FHIT: variants seen among roughly 807,000 people sequenced by gnomAD.
FHIT encodes bis(5'-adenosyl)-triphosphatase.
A neutral mutation model predicts 17.9 loss-of-function variants in FHIT; 19 were observed. The ratio of observed to expected loss-of-function variants is 1.06; its 90% CI spans 0.74 to 1.56. The LOEUF is 1.56. Among genes scored for constraint, FHIT ranks in the 40% most tolerant of loss-of-function variants. The probability of loss-of-function intolerance (pLI) is 0.00; values close to 1 mark genes in which losing one functional copy is unlikely to be tolerated. For missense variants in FHIT, 248 were observed against 189.2 expected (o/e 1.31, Z -1.82); for synonymous variants, 81 against 69.7 (o/e 1.16, Z -0.81).
chr3:60,662,704 T>G (rs1243123675), intron 4 of FHIT, among the ~76,000 whole-genome samples: 6 of 152,192 alleles, frequency 3.9e-5, no homozygotes, highest in African/African-American at 7.2e-5. Flanking sequence ...TCCATTTGTT[T>G]GCGTCATCTA....
chr3:61,228,397 T>C (rs1304770589), intron 1 of FHIT, among the ~76,000 whole-genome samples: 1 of 152,208 alleles, frequency 6.6e-6, no homozygotes, highest in Non-Finnish European at 1.5e-5. Context: ...TCCACCCAGT[T>C]AAATATCCTG....
At chr3:60,449,834 C>G (rs2031601602) in intron 5 of FHIT, among the ~76,000 whole-genome samples, 1 of 151,794 alleles carries the variant, frequency 6.6e-6, no homozygotes, top group African/African-American at 2.4e-5. Flanking sequence ...GAAACCCCAT[C>G]TCTACTAAAA....
At chr3:60,830,357 G>C (rs571969794) in intron 3 of FHIT, among the ~76,000 whole-genome samples, 1 of 152,242 alleles carries the variant, frequency 6.6e-6, no homozygotes, top group African/African-American at 2.4e-5. Flanking sequence ...GAAAAGTTTA[G>C]CATGATTTTC....
intron 5 of FHIT, among the ~76,000 whole-genome samples, chr3:60,230,527 T>C (rs1290466832): frequency 2.0e-5 from 3 of 152,176 alleles, no homozygotes; most frequent in Non-Finnish European, 4.4e-5. Flanking sequence ...GCAGATAGCA[T>C]AGGCAAACAG....
chr3:59,795,321 C>T (rs1181868823), intron 8 of FHIT, among the ~76,000 whole-genome samples: 1 of 150,948 alleles, frequency 6.6e-6, no homozygotes, highest in Non-Finnish European at 1.5e-5. Context: ...GAGGCAGAGG[C>T]TGCAGTGAGC....
chr3:60,955,635 C>CATATATATATATATATATACAT (rs1553778580), intron 3 of FHIT, among the ~76,000 whole-genome samples: 3 of 48,368 alleles, frequency 6.2e-5, no homozygotes, highest in African/African-American at 7.3e-5. Context: ...TATATATATA[C>CATATATATATATATATATACAT]ACACACACAC....
intron 4 of FHIT, among the ~76,000 whole-genome samples, chr3:60,640,667 G>T (rs1375259595): frequency 2.6e-5 from 4 of 152,088 alleles, no homozygotes; most frequent in Admixed American, 2.0e-4. Context: ...GGCAATGCAT[G>T]GATGTCATAT....
chr3:60,895,231 G>A (rs1705731718), intron 3 of FHIT, among the ~76,000 whole-genome samples: 1 of 152,142 alleles, frequency 6.6e-6, no homozygotes, highest in Non-Finnish European at 1.5e-5. Context: ...TAGATTCATA[G>A]TACATGTTTT....
intron 5 of FHIT, among the ~76,000 whole-genome samples, chr3:60,015,388 T>C (rs1032054660): frequency 2.6e-5 from 4 of 152,130 alleles, no homozygotes; most frequent in African/African-American, 7.2e-5. Context: ...AAAATCAGAG[T>C]TCATTTTTCA....
intron 8 of FHIT, among the ~76,000 whole-genome samples, chr3:59,771,275 G>C (rs552496919): frequency 1.3e-4 from 20 of 152,188 alleles, no homozygotes; most frequent in Non-Finnish European, 2.4e-4. Context: ...GAGAACAAGA[G>C]AGAATGAACC....
intron 4 of FHIT, among the ~76,000 whole-genome samples, chr3:60,572,019 T>G (rs1459326502): frequency 6.6e-6 from 1 of 150,984 alleles, no homozygotes; most frequent in African/African-American, 2.4e-5. Flanking sequence ...CAAGGTTTTC[T>G]TTCTTTCTTT....
chr3:60,399,140 G>C (rs1701567702), intron 5 of FHIT, among the ~76,000 whole-genome samples: 2 of 152,228 alleles, frequency 1.3e-5, no homozygotes, highest in South Asian at 2.1e-4. Flanking sequence ...TAAATAAGTG[G>C]CTTAAAGTAC....
At chr3:60,187,229 A>T (rs554764157) in intron 5 of FHIT, among the ~76,000 whole-genome samples, 67 of 152,258 alleles carry the variant, frequency 4.4e-4, no homozygotes, top group African/African-American at 1.4e-3. Context: ...GAAACCCCCT[A>T]ATGTCAAACT....
At chr3:59,805,948 G>A (rs1287909492) in intron 8 of FHIT, among the ~76,000 whole-genome samples, 6 of 152,086 alleles carry the variant, frequency 3.9e-5, no homozygotes, top group Admixed American at 6.5e-5. Flanking sequence ...TTGAGAGGCC[G>A]AGGCGGGCAG....
intron 5 of FHIT, among the ~76,000 whole-genome samples, chr3:60,021,272 T>G (rs1477683275): frequency 6.6e-6 from 1 of 152,188 alleles, no homozygotes; most frequent in Non-Finnish European, 1.5e-5. Flanking sequence ...TATCCTTGTC[T>G]AGGCAACATG....
intron 5 of FHIT, among the ~76,000 whole-genome samples, chr3:60,459,250 A>G (rs897480277): frequency 2.0e-5 from 3 of 152,218 alleles, no homozygotes; most frequent in Non-Finnish European, 4.4e-5. Flanking sequence ...CCAGAAATTT[A>G]TAGTTTACCA....
At chr3:60,219,208 A>T (rs1703844031) in intron 5 of FHIT, among the ~76,000 whole-genome samples, 1 of 152,114 alleles carries the variant, frequency 6.6e-6, no homozygotes, top group South Asian at 2.1e-4. Flanking sequence ...TTTTTCTGGC[A>T]AATTCTGGGT....
At chr3:60,684,248 T>C (rs947099719) in intron 4 of FHIT, among the ~76,000 whole-genome samples, 2 of 152,124 alleles carry the variant, frequency 1.3e-5, no homozygotes, top group Non-Finnish European at 2.9e-5. Flanking sequence ...ACTCTTGTAA[T>C]AGCATTTAGG....
intron 5 of FHIT, among the ~76,000 whole-genome samples, chr3:60,419,344 T>C (rs1303247838): frequency 1.3e-5 from 2 of 152,232 alleles, no homozygotes; most frequent in Non-Finnish European, 2.9e-5. Context: ...CCTCAGTTAT[T>C]ATTTGAAATG....
Sources: gnomAD v4.1 joint callset for allele counts (sites outside exome capture counted in the v4.1 genomes callset) on GRCh38, gnomAD v4.1.1 for gene constraint, MANE v1.5 for transcripts, NCBI Gene and HGNC (gene_info 2026-07-23, HGNC 2026-07-21) for gene names.